GAREM1: variants seen among roughly 807,000 people sequenced by gnomAD.
The protein encoded by GAREM1 is GRB2-associated and regulator of MAPK protein 1.
In GAREM1, 26 loss-of-function variants were observed where a neutral mutation model predicts 71.3. The observed-to-expected ratio is 0.36, with a 90% confidence interval of 0.27 to 0.51. The LOEUF (loss-of-function observed/expected upper bound fraction) is 0.51. GAREM1 is among the 20% of genes least tolerant of loss of function. The probability of loss-of-function intolerance (pLI) is 0.95; values close to 1 mark genes in which losing one functional copy is unlikely to be tolerated. For synonymous variants in GAREM1, 440 were observed against 433.2 expected (o/e 1.02, Z -0.20); for missense variants, 1,026 against 1,103.1 (o/e 0.93, Z 0.99).
intron 1 of GAREM1, among the ~76,000 whole-genome samples, chr18:32,460,946 C>T (rs546277194): frequency 6.6e-6 from 1 of 152,110 alleles, no homozygotes; most frequent in South Asian, 2.1e-4. Context: ...GGTGAAAAAT[C>T]GAAAAATGAG....
intron 1 of GAREM1, among the ~76,000 whole-genome samples, chr18:32,430,695 C>T (rs1253310725): frequency 6.6e-6 from 1 of 152,218 alleles, no homozygotes; most frequent in African/African-American, 2.4e-5. Flanking sequence ...GGTCTTCAAG[C>T]AATCCACAAG....
intron 2 of GAREM1, among the ~76,000 whole-genome samples, chr18:32,364,094 G>A (rs1304798296): frequency 7.4e-6 from 1 of 135,454 alleles, no homozygotes; most frequent in African/African-American, 2.8e-5. Context: ...GAGTGCAGTG[G>A]TGCGATCTCA....
rs557941358 is a variant in GAREM1, at chr18:32,263,895, G to C, written c.*3976C>G. ...CCTACTACATGAGATTGTAAACAAA[G>C]GAAATTTGCGATCTGATAAGCTCTA... On this transcript the variant is annotated 3_prime_UTR_variant, in exon 6 of 6. Coordinates refer to ENST00000269209, the MANE Select transcript of GAREM1 (RefSeq NM_001242409.2). 11 of 152,228 alleles carry C rather than the reference G, an allele frequency of 7.2e-5. No homozygotes were observed. Among genetic ancestry groups the C allele is most frequent in the Non-Finnish European group, 1.3e-4 (9 of 68,020 alleles). 9.4% of individuals were successfully genotyped at this position (152,228 alleles called of 1,614,324 possible).
At position 32,470,689 on chromosome 18, in the gene GAREM1, G is replaced by A. The variant is rs1245084478; in HGVS notation, c.-261C>T. Reference sequence around the variant, plus strand: ...CGGAGAAGACTCAGAGCAGCCGCGCGGCTGCGGGCGGCGGCGGCGGCCCGG... The same window carrying A: ...CGGAGAAGACTCAGAGCAGCCGCGCAGCTGCGGGCGGCGGCGGCGGCCCGG... On this transcript the variant is annotated 5_prime_UTR_variant, in exon 1 of 6. Coordinates refer to ENST00000269209, the MANE Select transcript of GAREM1 (RefSeq NM_001242409.2). This position sits in a 1 kb window ranked among gnomAD's most constrained non-coding sequence, Gnocchi z 4.4. Among the ~76,000 whole-genome samples the A allele has an allele frequency of 6.7e-6, 1 of 149,736 alleles. No homozygotes were observed. The highest frequency in any genetic ancestry group is 2.4e-5 in the African/African-American group (1 of 41,146).
In GAREM1 at chr18:32,347,144, T is replaced by C. The variant is rs191218840; in HGVS notation, c.263-36821A>G. Among the ~76,000 whole-genome samples, 436 of 152,166 alleles carry C rather than the reference T, an allele frequency of 2.9e-3. 3 individuals carry two copies. The highest frequency in any genetic ancestry group is 0.01 in the African/African-American group (417 of 41,504). On this transcript the variant is annotated intron_variant, in intron 2 of 5. Coordinates refer to ENST00000269209, the MANE Select transcript of GAREM1 (RefSeq NM_001242409.2). ...ACAAAAAAGGAAGTGACTTTTAAGATAGTTAAGGATAAAAAAGAAATACTT... is the reference window on the plus strand; with the variant it reads ...ACAAAAAAGGAAGTGACTTTTAAGACAGTTAAGGATAAAAAAGAAATACTT...
chr18:32,435,608 G>T lies in GAREM1; in HGVS notation c.121+34700C>A, dbSNP rs577508459. ...TAAATAATGGGAGAAACCAGTAGAGGTGTAACAATAACAATGAGAAATGGT... is the reference window on the plus strand; with the variant it reads ...TAAATAATGGGAGAAACCAGTAGAGTTGTAACAATAACAATGAGAAATGGT... On this transcript the variant is annotated intron_variant, in intron 1 of 5. Coordinates refer to ENST00000269209, the MANE Select transcript of GAREM1 (RefSeq NM_001242409.2). Among the ~76,000 whole-genome samples the T allele has an allele frequency of 2.0e-5, 3 of 152,138 alleles. No individual in the cohort carries two copies. In the East Asian group the frequency reaches 5.8e-4, roughly 29 times the overall value.
At chr18:32,305,245 G>A (rs1343776371) in intron 3 of GAREM1, among the ~76,000 whole-genome samples, 3 of 152,068 alleles carry the variant, frequency 2.0e-5, no homozygotes, top group Admixed American at 2.0e-4. Flanking sequence ...GAGGTAACCT[G>A]CCCACATATC....
chr18:32,317,729 C>A (rs967993997), intron 2 of GAREM1, among the ~76,000 whole-genome samples: 5 of 143,824 alleles, frequency 3.5e-5, no homozygotes, highest in Non-Finnish European at 7.5e-5. Context: ...GTAACATTCT[C>A]AGATTAGCCA....
rs2049037948 is a variant in GAREM1 at position 32,470,229 on chromosome 18, C to T, written c.121+79G>A. ...GCAGCCCACTCCCCGCGGGTCCCAC[C>T]CTCTCCAGCACACGCGCGCACACCC... On this transcript the variant is annotated intron_variant, in intron 1 of 5. Transcript: ENST00000269209. This position sits in a 1 kb window ranked among gnomAD's most constrained non-coding sequence, Gnocchi z 4.4. 1 of 1,332,492 alleles carries T rather than the reference C, an allele frequency of 7.5e-7. No individual in the cohort carries two copies. Among genetic ancestry groups the T allele is most frequent in the Non-Finnish European group, 9.7e-7 (1 of 1,032,350 alleles). 82.5% of individuals were successfully genotyped at this position (1,332,492 alleles called of 1,614,324 possible).
chr18:32,312,172 G>A (rs2047330673), intron 2 of GAREM1, among the ~76,000 whole-genome samples: 1 of 152,218 alleles, frequency 6.6e-6, no homozygotes, highest in South Asian at 2.1e-4. Context: ...GGTCAGGAGA[G>A]AAGTCTGGCT....
chr18:32,369,176 G>A (rs1346766299), intron 2 of GAREM1, among the ~76,000 whole-genome samples: 2 of 152,204 alleles, frequency 1.3e-5, no homozygotes, highest in East Asian at 1.9e-4. Flanking sequence ...TTCCAAGTGT[G>A]TATTCACATT....
intron 2 of GAREM1, among the ~76,000 whole-genome samples, chr18:32,373,914 C>T (rs2048010107): frequency 6.6e-6 from 1 of 152,202 alleles, no homozygotes; most frequent in African/African-American, 2.4e-5. Flanking sequence ...CCTAAGTAAA[C>T]CATGCCAACA....
chr18:32,323,809 T>A (rs1167579301), intron 2 of GAREM1, among the ~76,000 whole-genome samples: 1 of 152,172 alleles, frequency 6.6e-6, no homozygotes, highest in Non-Finnish European at 1.5e-5. Flanking sequence ...CATTTTTTAA[T>A]CTACATAAAA....
chr18:32,388,257 T>C (rs2048166492), intron 2 of GAREM1, among the ~76,000 whole-genome samples: 1 of 151,844 alleles, frequency 6.6e-6, no homozygotes, highest in East Asian at 1.9e-4. Context: ...AAAAAATAAA[T>C]AAACAGAAGA....
intron 1 of GAREM1, among the ~76,000 whole-genome samples, chr18:32,409,828 T>C (rs559419952): frequency 1.2e-4 from 19 of 152,302 alleles, no homozygotes; most frequent in African/African-American, 4.6e-4. Flanking sequence ...CCAGTATTTC[T>C]GCAAACATTA....
intron 2 of GAREM1, among the ~76,000 whole-genome samples, chr18:32,387,925 A>G (rs1187976462): frequency 6.6e-6 from 1 of 152,214 alleles, no homozygotes; most frequent in Non-Finnish European, 1.5e-5. Context: ...GCTGTGGCCT[A>G]TGGCTGCCCA....
intron 1 of GAREM1, among the ~76,000 whole-genome samples, chr18:32,400,137 T>C (rs543195172): frequency 6.6e-6 from 1 of 152,324 alleles, no homozygotes; most frequent in African/African-American, 2.4e-5. Flanking sequence ...AAGCTGAAAC[T>C]GGATCTCTTC....
intron 2 of GAREM1, among the ~76,000 whole-genome samples, chr18:32,327,806 C>T (rs1357624638): frequency 2.0e-5 from 3 of 152,142 alleles, no homozygotes; most frequent in Admixed American, 2.0e-4. Context: ...AAGTTTGAAT[C>T]TCAGCTTTGG....
chr18:32,280,113 AAAT>A (rs1567946158), intron 4 of GAREM1, among the ~76,000 whole-genome samples: 1 of 152,224 alleles, frequency 6.6e-6, no homozygotes, highest in Non-Finnish European at 1.5e-5. Flanking sequence ...TTGGAAAAGT[AAAT>A]AATCACTAAG....
Sources: gnomAD v4.1 joint callset for allele counts (sites outside exome capture counted in the v4.1 genomes callset) on GRCh38, gnomAD v4.1.1 for gene constraint, Gnocchi (gnomAD v3.1) non-coding constraint, MANE v1.5 for transcripts, NCBI Gene and HGNC (gene_info 2026-07-23, HGNC 2026-07-21) for gene names.